Variants in BMPR1B observed in about 807,000 individuals in gnomAD.
The protein encoded by BMPR1B is bone morphogenetic protein receptor type-1B.
In BMPR1B, 12 loss-of-function variants were observed where a neutral mutation model predicts 59.1. The observed-to-expected ratio is 0.20, with a 90% CI of 0.13 to 0.33. The LOEUF (loss-of-function observed/expected upper bound fraction) is 0.33, where lower values mean the gene tolerates loss of function less well. Among genes scored for constraint, BMPR1B ranks in the 10% least tolerant of loss-of-function variants. The pLI, the probability that BMPR1B is intolerant of heterozygous loss-of-function variation, is 1.00. For missense variants in BMPR1B, 550 were observed against 610.9 expected (o/e 0.90, Z 1.05); for synonymous variants, 237 against 207.3 (o/e 1.14, Z -1.23).
intron 1 of BMPR1B, among the ~76,000 whole-genome samples, chr4:94,802,235 T>A (rs948391736): frequency 6.6e-6 from 1 of 152,102 alleles, no homozygotes; most frequent in Non-Finnish European, 1.5e-5. Flanking sequence ...ATCTAAGCAC[T>A]TGTGTTGAGA....
intron 1 of BMPR1B, among the ~76,000 whole-genome samples, chr4:94,762,827 G>A (rs1219507191): frequency 6.6e-6 from 1 of 151,390 alleles, no homozygotes; most frequent in East Asian, 1.9e-4. Context: ...TCGTGGAATA[G>A]AAGAATCATG....
intron 10 of BMPR1B, among the ~76,000 whole-genome samples, chr4:95,139,942 T>C (rs1205057078): frequency 6.6e-6 from 1 of 152,146 alleles, no homozygotes; most frequent in East Asian, 1.9e-4. Flanking sequence ...GCACCCACTG[T>C]CCGACAGGCC....
intron 1 of BMPR1B, among the ~76,000 whole-genome samples, chr4:94,854,527 G>A (rs1456884126): frequency 6.6e-6 from 1 of 152,172 alleles, no homozygotes; most frequent in Non-Finnish European, 1.5e-5. Context: ...GATTTATGTA[G>A]TTGTTGCCTT....
chr4:94,889,256 G>T (rs775248581), intron 2 of BMPR1B, among the ~76,000 whole-genome samples: 8 of 151,814 alleles, frequency 5.3e-5, no homozygotes, highest in Non-Finnish European at 8.8e-5. Context: ...TATTTTTATC[G>T]TAATTTGCCT....
At chr4:94,933,122 T>C (rs933899827) in intron 2 of BMPR1B, among the ~76,000 whole-genome samples, 4 of 152,112 alleles carry the variant, frequency 2.6e-5, no homozygotes, top group African/African-American at 9.7e-5. Flanking sequence ...TATATAATAT[T>C]CGTATGTATT....
At chr4:94,996,996 A>G (rs1404005165) in intron 3 of BMPR1B, among the ~76,000 whole-genome samples, 3 of 152,076 alleles carry the variant, frequency 2.0e-5, no homozygotes, top group African/African-American at 7.2e-5. Flanking sequence ...TTTTCTATGT[A>G]TTTTCTGGTT....
chr4:95,036,931 T>A (rs1405021450), intron 3 of BMPR1B, among the ~76,000 whole-genome samples: 2 of 152,130 alleles, frequency 1.3e-5, no homozygotes, highest in African/African-American at 2.4e-5. Flanking sequence ...CAACCCTAGA[T>A]CTGGATGCTG....
intron 2 of BMPR1B, among the ~76,000 whole-genome samples, chr4:94,901,261 C>T (rs550352330): frequency 2.6e-5 from 4 of 151,990 alleles, no homozygotes; most frequent in East Asian, 1.9e-4. Context: ...ACAGTAAAAT[C>T]GAAAATATCA....
At chr4:95,059,136 C>A (rs767128118) in intron 3 of BMPR1B, among the ~76,000 whole-genome samples, 1 of 152,246 alleles carries the variant, frequency 6.6e-6, no homozygotes, top group Middle Eastern at 3.4e-3. Context: ...AACTTAGCCT[C>A]TGAATTCAGC....
rs1486216727 is a variant in BMPR1B at position 95,115,707 on chromosome 4, G to A, written c.269G>A (p.Arg90Lys). The part of the protein sequence containing the change: ...QCRDTPIPHQ[R>K]RSIECCTERN... ...TAGGACACTCCCATTCCTCATCAAAGAAGATCAATTGAATGCTGCACAGAA... is the reference window on the plus strand; with the variant it reads ...TAGGACACTCCCATTCCTCATCAAAAAAGATCAATTGAATGCTGCACAGAA... The change falls in exon 6 of 13, where the codon AGA becomes AAA. Residue 90 changes from arginine to lysine, a missense_variant. Coordinates refer to ENST00000515059, the MANE Select transcript of BMPR1B (RefSeq NM_001203.3). 1 of 1,613,442 alleles carries A rather than the reference G, an allele frequency of 6.2e-7. No homozygotes were observed. Among genetic ancestry groups the A allele is most frequent in the Non-Finnish European group, 8.5e-7 (1 of 1,179,680 alleles).
In BMPR1B at chr4:95,103,611, TA is replaced by T. The variant is rs1178698660; in HGVS notation, c.-17-795del. On this transcript the variant is annotated intron_variant, in intron 3 of 12. Coordinates refer to ENST00000515059, the MANE Select transcript of BMPR1B (RefSeq NM_001203.3). ...TCTATAATTATCTCCATTTTAAGGA[TA>T]AGAACATGAGTCACAAGATTATTTA... 3 of 470,696 alleles carry T rather than the reference TA, an allele frequency of 6.4e-6. No individual in the cohort carries two copies. The East Asian group carries it at 4.6e-4, about 73-fold the overall frequency. The allele number at this position is 470,696 out of a possible 1,614,324, so 29.2% of individuals were successfully genotyped here.
At chr4:94,799,816 A>G (rs978404589) in intron 1 of BMPR1B, among the ~76,000 whole-genome samples, 1 of 151,730 alleles carries the variant, frequency 6.6e-6, no homozygotes, top group Non-Finnish European at 1.5e-5. Context: ...TCAGCCTCCC[A>G]AGTAGCTGGG....
At chr4:95,067,686 C>T (rs1176420326) in intron 3 of BMPR1B, among the ~76,000 whole-genome samples, 1 of 152,150 alleles carries the variant, frequency 6.6e-6, no homozygotes, top group Non-Finnish European at 1.5e-5. Flanking sequence ...TTATGTTACT[C>T]CTCCCCTTAA....
At chr4:95,131,075 A>T in intron 9 of BMPR1B, 140 bp from the exon 10 acceptor site, 1 of 878,718 alleles carries the variant, frequency 1.1e-6, no homozygotes, top group South Asian at 1.7e-5. Flanking sequence ...TAGTCATTTA[A>T]TACCATCATA....
chr4:95,039,870 C>T, intron 3 of BMPR1B, among the ~76,000 whole-genome samples: 1 of 152,172 alleles, frequency 6.6e-6, no homozygotes, highest in Non-Finnish European at 1.5e-5. Flanking sequence ...AGATTGGACA[C>T]CCCTGGTAGC....
At chr4:94,829,661 C>G (rs912154816) in intron 1 of BMPR1B, among the ~76,000 whole-genome samples, 1 of 152,090 alleles carries the variant, frequency 6.6e-6, no homozygotes, top group African/African-American at 2.4e-5. Flanking sequence ...CAGTGCTGAT[C>G]CTCACAGAAT....
intron 1 of BMPR1B, among the ~76,000 whole-genome samples, chr4:94,840,197 T>G (rs1051354134): frequency 2.0e-5 from 3 of 147,866 alleles, no homozygotes; most frequent in African/African-American, 7.5e-5. Flanking sequence ...CCTTAACATT[T>G]TTTCCTTCAT....
At chr4:94,816,031 T>C (rs1723997225) in intron 1 of BMPR1B, among the ~76,000 whole-genome samples, 1 of 152,228 alleles carries the variant, frequency 6.6e-6, no homozygotes, top group Non-Finnish European at 1.5e-5. Flanking sequence ...TGGCTTTGTG[T>C]AGTTTCCCTG....
chr4:95,108,569 T>C (rs1731362949), intron 4 of BMPR1B, among the ~76,000 whole-genome samples: 1 of 152,082 alleles, frequency 6.6e-6, no homozygotes, highest in African/African-American at 2.4e-5. Flanking sequence ...TCCTTTTCAG[T>C]ACCATTAATT....
Sources: gnomAD v4.1 joint callset for allele counts (sites outside exome capture counted in the v4.1 genomes callset) on GRCh38, gnomAD v4.1.1 for gene constraint, MANE v1.5 for transcripts, NCBI Gene and HGNC (gene_info 2026-07-23, HGNC 2026-07-21) for gene names.